Variants in HDDC2 observed in about 807,000 individuals in gnomAD.
HDDC2 encodes the protein 5'-deoxynucleotidase HDDC2.
Under a neutral mutation model 25.5 loss-of-function variants are expected in HDDC2, and 25 were observed. The observed-to-expected ratio is 0.98, with a 90% CI of 0.72 to 1.37. The LOEUF (loss-of-function observed/expected upper bound fraction) is 1.37, where lower values mean the gene tolerates loss of function less well. HDDC2 is among the 40% of genes most tolerant of loss of function. The pLI is 0.00. For synonymous variants in HDDC2, 106 were observed against 89.7 expected (o/e 1.18, Z -1.03); for missense variants, 264 against 253.1 (o/e 1.04, Z -0.29).
intron 4 of HDDC2, among the ~76,000 whole-genome samples, chr6:125,283,174 T>C (rs1798484029): frequency 6.6e-6 from 1 of 152,104 alleles, no homozygotes; most frequent in Non-Finnish European, 1.5e-5. Context: ...CTCAAAATAA[T>C]AAGAGCTATT....
Position 125,292,834 on chromosome 6 carries a change from T to C in HDDC2, c.378+7A>G. On this transcript the variant is annotated splice_region_variant and intron_variant, in intron 4 of 5. Transcript: ENST00000398153. ...ATTAAAAACAGTAACGTACCATATA[T>C]ACTTACTTCCCAAAGTTCATAGAGC... 9 of 1,604,528 alleles carry C rather than the reference T, an allele frequency of 5.6e-6. No homozygotes were observed. Among genetic ancestry groups the C allele is most frequent in the Non-Finnish European group, 7.7e-6 (9 of 1,172,276 alleles).
At chr6:125,299,905 G>A (rs1479476849) in intron 2 of HDDC2, among the ~76,000 whole-genome samples, 1 of 152,118 alleles carries the variant, frequency 6.6e-6, no homozygotes, top group African/African-American at 2.4e-5. Flanking sequence ...ACCCTTTTGA[G>A]CTCAACTCAG....
At chr6:125,282,653 T>C (rs1798475557) in intron 4 of HDDC2, among the ~76,000 whole-genome samples, 1 of 152,212 alleles carries the variant, frequency 6.6e-6, no homozygotes, top group Non-Finnish European at 1.5e-5. Flanking sequence ...AGGATCAAAT[T>C]CACATGTAAC....
At chr6:125,280,540 G>A (rs1037039117) in intron 4 of HDDC2, among the ~76,000 whole-genome samples, 119 of 152,318 alleles carry the variant, frequency 7.8e-4, no homozygotes, top group African/African-American at 2.4e-3. Context: ...TGGGACACTC[G>A]AGCTTGGTAG....
intron 3 of HDDC2, among the ~76,000 whole-genome samples, chr6:125,296,475 T>C (rs1438648470): frequency 6.6e-6 from 1 of 152,212 alleles, no homozygotes; most frequent in Non-Finnish European, 1.5e-5. Context: ...ATTATCTTAA[T>C]GCATGGTTCA....
chr6:125,280,352 T>G (rs1264060911), intron 4 of HDDC2, among the ~76,000 whole-genome samples: 2 of 152,108 alleles, frequency 1.3e-5, no homozygotes, highest in Non-Finnish European at 2.9e-5. Flanking sequence ...ATTTTTTTTT[T>G]CATACCCCAG....
At chr6:125,294,272 ATATT>A (rs1798673180) in intron 3 of HDDC2, among the ~76,000 whole-genome samples, 1 of 152,230 alleles carries the variant, frequency 6.6e-6, no homozygotes, top group South Asian at 2.1e-4. Context: ...ATTTGTGTGT[ATATT>A]TATTTATTAC....
intron 4 of HDDC2, among the ~76,000 whole-genome samples, chr6:125,291,911 C>T (rs967361125): frequency 7.2e-5 from 11 of 152,124 alleles, no homozygotes; most frequent in Non-Finnish European, 5.9e-5. Flanking sequence ...AGGGTTTCAA[C>T]CCTGGGCACT....
intron 4 of HDDC2, among the ~76,000 whole-genome samples, chr6:125,287,553 C>T (rs1030718637): frequency 3.3e-5 from 5 of 152,014 alleles, no homozygotes; most frequent in Non-Finnish European, 7.4e-5. Context: ...GCTGTTGAGT[C>T]GAGGTTCCTG....
chr6:125,282,532 GAA>G (rs2115103409), intron 4 of HDDC2, among the ~76,000 whole-genome samples: 1 of 152,190 alleles, frequency 6.6e-6, no homozygotes, highest in Non-Finnish European at 1.5e-5. Flanking sequence ...ATATGGAAAG[GAA>G]AAACCAGTAT....
chr6:125,278,656 GAGTT>G, intron 4 of HDDC2: 1 of 152,190 alleles, frequency 6.6e-6, no homozygotes, highest in East Asian at 1.9e-4. Flanking sequence ...ATGTCAGGAA[GAGTT>G]AGGTTCAGAT....
At chr6:125,287,681 G>C (rs3778453) in intron 4 of HDDC2, among the ~76,000 whole-genome samples, 3 of 152,110 alleles carry the variant, frequency 2.0e-5, no homozygotes, top group Admixed American at 6.5e-5. Context: ...AAGCACAGGA[G>C]GGGTGTGGAG....
At chr6:125,293,404 C>T (rs1798659480) in intron 3 of HDDC2, among the ~76,000 whole-genome samples, 1 of 152,156 alleles carries the variant, frequency 6.6e-6, no homozygotes, top group Non-Finnish European at 1.5e-5. Context: ...AAGTACAATA[C>T]AAATGAGCGA....
intron 4 of HDDC2, among the ~76,000 whole-genome samples, chr6:125,288,391 A>G (rs1030266697): frequency 6.6e-6 from 1 of 152,178 alleles, no homozygotes; most frequent in Non-Finnish European, 1.5e-5. Context: ...CCCACGGCAC[A>G]GAGTCTCTGA....
rs3734642 is a variant in HDDC2, at chr6:125,301,727, T to A, written c.84+122A>T. On this transcript the variant is annotated intron_variant, in intron 1 of 5. Transcript: ENST00000398153. ...CGCAGGACTGGGGCCTTTCCGGAAT[T>A]CGGCGTGGCGGACGCGGCGCAGGAA... The A allele has an allele frequency of 2.3e-4, 157 of 671,700 alleles. No homozygotes were observed. The African/African-American group carries it at 2.8e-3, about 12-fold the overall frequency. 41.6% of individuals were successfully genotyped at this position (671,700 alleles called of 1,614,324 possible).
chr6:125,285,246 T>C (rs1364359810), intron 4 of HDDC2, among the ~76,000 whole-genome samples: 1 of 151,856 alleles, frequency 6.6e-6, no homozygotes, highest in Non-Finnish European at 1.5e-5. Flanking sequence ...CAAACCACCA[T>C]GCCACATGTA....
chr6:125,292,758 G>T, intron 4 of HDDC2, 83 bp downstream of exon 4: 2 of 1,041,546 alleles, frequency 1.9e-6, no homozygotes, highest in South Asian at 1.3e-5. Context: ...CGCTTGTTAA[G>T]ATCATCTAAG....
chr6:125,281,925 A>C (rs1041019845), intron 4 of HDDC2, among the ~76,000 whole-genome samples: 2 of 152,230 alleles, frequency 1.3e-5, no homozygotes, highest in African/African-American at 4.8e-5. Flanking sequence ...GAAATAGAGG[A>C]AAAAATGTTA....
intron 4 of HDDC2, among the ~76,000 whole-genome samples, chr6:125,284,964 C>G (rs1798509155): frequency 6.6e-6 from 1 of 152,134 alleles, no homozygotes; most frequent in Non-Finnish European, 1.5e-5. Flanking sequence ...TACATATACA[C>G]CATGGAATAC....
Sources: gnomAD v4.1 joint callset for allele counts (sites outside exome capture counted in the v4.1 genomes callset) on GRCh38, gnomAD v4.1.1 for gene constraint, MANE v1.5 for transcripts, NCBI Gene and HGNC (gene_info 2026-07-23, HGNC 2026-07-21) for gene names.